ACTR3B: variants seen among roughly 807,000 people sequenced by gnomAD.
ACTR3B encodes actin related protein 3B, also known as actin-related protein 3B.
Under a neutral mutation model 59.0 loss-of-function variants are expected in ACTR3B, and 8 were observed. The observed-to-expected ratio is 0.14, with a 90% CI of 0.08 to 0.24. ACTR3B has a LOEUF of 0.24. Among genes scored for constraint, ACTR3B ranks in the 10% least tolerant of loss-of-function variants. The pLI, the probability that ACTR3B is intolerant of heterozygous loss-of-function variation, is 1.00. For synonymous variants in ACTR3B, 148 were observed against 197.9 expected (o/e 0.75, Z 2.12); for missense variants, 245 against 552.3 (o/e 0.44, Z 5.58).
rs1056633243 is a variant in ACTR3B, at chr7:152,779,284, C to T, written c.45-3903C>T. On this transcript the variant is annotated intron_variant, in intron 1 of 11. Coordinates refer to ENST00000256001, the MANE Select transcript of ACTR3B (RefSeq NM_020445.6). The stretch of plus-strand genomic sequence containing the variant: ...CGCACAGCCCCTGGGAATCTGTTTC[C>T]GGAGTTTCCCAGGTGATCTGGTCAG... Among the ~76,000 whole-genome samples, 23 of 152,086 alleles carry T rather than the reference C, an allele frequency of 1.5e-4. 1 individual carries two copies. The Middle Eastern group carries it at 0.014, about 90-fold the overall frequency.
intron 4 of ACTR3B, among the ~76,000 whole-genome samples, chr7:152,809,046 T>A (rs2098261268): frequency 6.6e-6 from 1 of 151,994 alleles, no homozygotes; most frequent in Non-Finnish European, 1.5e-5. Context: ...TCTAACTGTG[T>A]TCTGGGCACT....
intron 5 of ACTR3B, among the ~76,000 whole-genome samples, chr7:152,815,844 C>G (rs1466282740): frequency 6.6e-6 from 1 of 152,216 alleles, no homozygotes; most frequent in Non-Finnish European, 1.5e-5. Context: ...ATCTGTGGCC[C>G]CACGCCGGAA....
chr7:152,774,241 A>G (rs1418705799), intron 1 of ACTR3B, among the ~76,000 whole-genome samples: 5 of 152,162 alleles, frequency 3.3e-5, no homozygotes, highest in African/African-American at 4.8e-5. Context: ...GGTTCAAGCG[A>G]TTCTGCTGTC....
At chr7:152,790,850 T>G (rs1396210557) in intron 2 of ACTR3B, among the ~76,000 whole-genome samples, 1 of 152,170 alleles carries the variant, frequency 6.6e-6, no homozygotes, top group African/African-American at 2.4e-5. Flanking sequence ...GTGTCTTAAG[T>G]CCTTAGATAC....
chr7:152,760,949 A>G (rs1239669387), intron 1 of ACTR3B, among the ~76,000 whole-genome samples: 1 of 152,136 alleles, frequency 6.6e-6, no homozygotes, highest in African/African-American at 2.4e-5. Flanking sequence ...AAAATGTAAC[A>G]TGGCATGTTC....
chr7:152,836,377 T>C (rs1306412048), intron 9 of ACTR3B, among the ~76,000 whole-genome samples: 1 of 151,918 alleles, frequency 6.6e-6, no homozygotes, highest in Admixed American at 6.6e-5. Flanking sequence ...GCAGAATTGC[T>C]TGAGCCCAGG....
intron 1 of ACTR3B, among the ~76,000 whole-genome samples, chr7:152,771,030 C>G (rs928004614): frequency 1.3e-5 from 2 of 150,384 alleles, no homozygotes; most frequent in African/African-American, 4.9e-5. Context: ...GTGGCTTGAT[C>G]TCGGCTTACT....
chr7:152,821,997 A>G (rs946197976), intron 7 of ACTR3B, among the ~76,000 whole-genome samples: 1 of 152,220 alleles, frequency 6.6e-6, no homozygotes, highest in African/African-American at 2.4e-5. Context: ...CAAGCATTTG[A>G]GTTAAGTAAG....
intron 7 of ACTR3B, among the ~76,000 whole-genome samples, chr7:152,820,851 G>A (rs1314141876): frequency 6.6e-6 from 1 of 152,238 alleles, no homozygotes; most frequent in Non-Finnish European, 1.5e-5. Flanking sequence ...TCACACACAG[G>A]TGTGGCTGTG....
chr7:152,809,894 AC>A (rs1407902795), intron 4 of ACTR3B, among the ~76,000 whole-genome samples: 1 of 145,386 alleles, frequency 6.9e-6, no homozygotes, highest in Non-Finnish European at 1.5e-5. Flanking sequence ...ACTGTTGCAC[AC>A]CTTGGATTTT....
chr7:152,852,201 G>T lies in ACTR3B; in HGVS notation c.1027G>T (p.Val343Leu). The change falls in exon 10 of 12, where the codon GTG (valine) becomes TTG (leucine). Residue 343 changes from valine (V) to leucine (L), a missense_variant. Val to Leu is a conservative substitution (Grantham distance 32). Around this residue, in one of 7 missense-constraint regions of ACTR3B, gnomAD observed 153 missense variants for 266.2 expected, o/e 0.57. Coordinates refer to ENST00000256001, the MANE Select transcript of ACTR3B (RefSeq NM_020445.6). ...ACTGCAGAGGGATTTGAAGAGAGTG[G>T]TGGATGCTAGGCTGAGGCTCAGCGA... is the stretch of plus-strand genomic sequence containing the variant. ...RRLQRDLKRV[V>L]DARLRLSEEL... 6.2e-7 allele frequency: 1 copy of T among 1,614,126 alleles called. No individual in the cohort carries two copies. The highest frequency in any genetic ancestry group is 8.5e-7 in the Non-Finnish European group (1 of 1,180,020).
intron 1 of ACTR3B, among the ~76,000 whole-genome samples, chr7:152,768,618 A>G (rs1469395817): frequency 6.6e-6 from 1 of 151,778 alleles, no homozygotes; most frequent in Non-Finnish European, 1.5e-5. Flanking sequence ...CTGCAATTAC[A>G]GGCGCCCGCC....
intron 9 of ACTR3B, among the ~76,000 whole-genome samples, chr7:152,832,826 A>T (rs1268600597): frequency 6.6e-6 from 1 of 152,156 alleles, no homozygotes; most frequent in Non-Finnish European, 1.5e-5. Flanking sequence ...TGTTCTTGAG[A>T]CCTTCAGCTG....
rs545944325 is a variant in ACTR3B at position 152,771,951 on chromosome 7, G to C, written c.45-11236G>C. On this transcript the variant is annotated intron_variant, in intron 1 of 11. Coordinates refer to ENST00000256001, the MANE Select transcript of ACTR3B (RefSeq NM_020445.6). ...GTGGTGGTGCATGCCTGTAAATCCAGCTACTCGGGAAGCTGAGGCAGGAGA... is the reference window on the plus strand; with the variant it reads ...GTGGTGGTGCATGCCTGTAAATCCACCTACTCGGGAAGCTGAGGCAGGAGA... Among the ~76,000 whole-genome samples, 5 of 152,208 alleles carry C rather than the reference G, an allele frequency of 3.3e-5. No homozygotes were observed. The South Asian group carries it at 1.0e-3, about 32-fold the overall frequency.
intron 1 of ACTR3B, among the ~76,000 whole-genome samples, chr7:152,765,911 G>A (rs1391477124): frequency 6.6e-6 from 1 of 152,010 alleles, no homozygotes; most frequent in African/African-American, 2.4e-5. Flanking sequence ...GGCAAGAGTG[G>A]GTGAGATTGT....
chr7:152,777,653 C>A (rs1590219147), intron 1 of ACTR3B, among the ~76,000 whole-genome samples: 1 of 152,144 alleles, frequency 6.6e-6, no homozygotes, highest in South Asian at 2.1e-4. Flanking sequence ...ATACAGTTAT[C>A]ATCTATAAAG....
intron 6 of ACTR3B, among the ~76,000 whole-genome samples, chr7:152,817,523 A>G (rs1439354721): frequency 6.6e-6 from 1 of 152,168 alleles, no homozygotes; most frequent in Non-Finnish European, 1.5e-5. Flanking sequence ...TTTTGGTCCA[A>G]TGGACTATTT....
chr7:152,797,876 T>C (rs918872244), intron 2 of ACTR3B, among the ~76,000 whole-genome samples: 10 of 152,174 alleles, frequency 6.6e-5, no homozygotes, highest in Admixed American at 5.9e-4. Context: ...CTTTTTTTTT[T>C]AAATGGCTGA....
chr7:152,789,128 A>G (rs1169952212), intron 2 of ACTR3B, among the ~76,000 whole-genome samples: 1 of 151,956 alleles, frequency 6.6e-6, no homozygotes, highest in Admixed American at 6.5e-5. Context: ...AGTGGCTCAC[A>G]CCTGTAATTG....
Sources: allele counts gnomAD v4.1 joint callset (sites outside exome capture counted in the v4.1 genomes callset), GRCh38; gene constraint gnomAD v4.1.1; regional missense constraint gnomAD v4.1.1; transcripts MANE v1.5; gene names NCBI Gene and HGNC (gene_info 2026-07-23, HGNC 2026-07-21).